Variants in PTPRD observed in about 807,000 individuals in gnomAD.
PTPRD encodes the protein protein tyrosine phosphatase receptor type D, also known as receptor-type tyrosine-protein phosphatase delta.
PTPRD carries 34 observed loss-of-function variants against 214.5 expected under a neutral mutation model. The observed-to-expected ratio is 0.16, with a 90% CI of 0.12 to 0.21. The LOEUF (loss-of-function observed/expected upper bound fraction) is 0.21, where lower values mean the gene tolerates loss of function less well. PTPRD is among the 10% of genes least tolerant of loss of function. PTPRD has a pLI of 1.00. For missense variants in PTPRD, 2,545 were observed against 2,398.7 expected (o/e 1.06, Z -1.27); for synonymous variants, 1,128 against 845.7 (o/e 1.33, Z -5.79).
intron 39 of PTPRD, among the ~76,000 whole-genome samples, chr9:8,353,101 C>T (rs369226057): frequency 2.6e-5 from 4 of 152,120 alleles, no homozygotes; most frequent in African/African-American, 9.7e-5. Context: ...CAGAACAAGA[C>T]TCCGTCTCAA....
intron 8 of PTPRD, among the ~76,000 whole-genome samples, chr9:9,475,167 T>C (rs2094933325): frequency 6.6e-6 from 1 of 152,190 alleles, no homozygotes; most frequent in Non-Finnish European, 1.5e-5. Flanking sequence ...ACTACTTATG[T>C]TTACTATTTT....
At chr9:9,466,025 G>C (rs567066778) in intron 8 of PTPRD, among the ~76,000 whole-genome samples, 1 of 152,036 alleles carries the variant, frequency 6.6e-6, no homozygotes, top group Non-Finnish European at 1.5e-5. Flanking sequence ...ATAAAATCTA[G>C]TAGCCAGGTG....
intron 8 of PTPRD, among the ~76,000 whole-genome samples, chr9:9,525,492 G>T (rs1284759470): frequency 1.3e-5 from 2 of 152,014 alleles, no homozygotes; most frequent in East Asian, 1.9e-4. Context: ...AAATTAAATG[G>T]AATGCCCCAT....
Position 10,568,794 on chromosome 9 carries a change from C to T in PTPRD, c.-600+43604G>A, listed in dbSNP as rs180872978. On this transcript the variant is annotated intron_variant, in intron 2 of 45. Coordinates refer to ENST00000381196, the MANE Select transcript of PTPRD (RefSeq NM_002839.4). The stretch of plus-strand genomic sequence containing the variant: ...ATTCAAGACGGATTAAAGACTTAAA[C>T]GTTAGACCTAAAACCATAAAATCCC... 4.3e-3 allele frequency among the ~76,000 whole-genome samples: 653 copies of T among 152,192 alleles called. 5 individuals carry two copies. Among genetic ancestry groups the T allele is most frequent in the African/African-American group, 0.015 (613 of 41,534 alleles).
At chr9:9,018,943 A>C (rs2099548037) in intron 10 of PTPRD, among the ~76,000 whole-genome samples, 1 of 152,182 alleles carries the variant, frequency 6.6e-6, no homozygotes, top group Admixed American at 6.6e-5. Flanking sequence ...AGCAACAAGA[A>C]GCAAAACATG....
chr9:9,301,733 G>C (rs899410364), intron 9 of PTPRD, among the ~76,000 whole-genome samples: 1 of 151,852 alleles, frequency 6.6e-6, no homozygotes, highest in Non-Finnish European at 1.5e-5. Flanking sequence ...AAATTGTATT[G>C]ATTGCACTAA....
At chr9:8,476,706 A>G (rs2096773099) in intron 30 of PTPRD, among the ~76,000 whole-genome samples, 1 of 152,180 alleles carries the variant, frequency 6.6e-6, no homozygotes, top group Non-Finnish European at 1.5e-5. Context: ...GCAGACATAC[A>G]TATAATACCC....
At chr9:9,128,745 T>C (rs1374873191) in intron 10 of PTPRD, among the ~76,000 whole-genome samples, 1 of 152,224 alleles carries the variant, frequency 6.6e-6, no homozygotes, top group Non-Finnish European at 1.5e-5. Flanking sequence ...AGGTTTCGTG[T>C]AAAAGACTAA....
At chr9:9,511,876 T>C (rs903625074) in intron 8 of PTPRD, among the ~76,000 whole-genome samples, 14 of 151,756 alleles carry the variant, frequency 9.2e-5, no homozygotes, top group African/African-American at 3.4e-4. Context: ...CTTTAGGTTT[T>C]CCCCTAAGGA....
intron 2 of PTPRD, among the ~76,000 whole-genome samples, chr9:10,345,330 A>C (rs1380743563): frequency 6.6e-6 from 1 of 152,042 alleles, no homozygotes; most frequent in Non-Finnish European, 1.5e-5. Flanking sequence ...GGTTTGTTAC[A>C]TAGGTATACA....
At position 8,315,844 on chromosome 9, in the gene PTPRD, T is replaced by TA. The variant is rs1821387687; in HGVS notation, c.*2029_*2030insT. ...CTCTTTAAGAGTTCCTTGGGTATTT[T>TA]GAGGATTATTTAAAATCATGTAATA... is the stretch of plus-strand genomic sequence containing the variant. On this transcript the variant is annotated 3_prime_UTR_variant, in exon 46 of 46. Transcript: ENST00000381196. 1 of 224,862 alleles carries TA rather than the reference T, an allele frequency of 4.4e-6. No individual in the cohort carries two copies. The highest frequency in any genetic ancestry group is 8.9e-6 in the Non-Finnish European group (1 of 112,672). The allele number at this position is 224,862 out of a possible 1,614,324, so 13.9% of individuals were successfully genotyped here.
intron 9 of PTPRD, among the ~76,000 whole-genome samples, chr9:9,361,545 A>C (rs904149665): frequency 6.6e-6 from 1 of 150,978 alleles, no homozygotes; most frequent in Non-Finnish European, 1.5e-5. Context: ...TTGATACATA[A>C]CAGAGGTACA....
At chr9:9,417,876 ATTTCATTTCATAC>A (rs2077448806) in intron 8 of PTPRD, among the ~76,000 whole-genome samples, 1 of 152,060 alleles carries the variant, frequency 6.6e-6, no homozygotes, top group Non-Finnish European at 1.5e-5. Flanking sequence ...ATGTGAAATC[ATTTCATTTCATAC>A]TGGAAAAGGC....
chr9:8,514,158 A>G (rs1050630143), intron 21 of PTPRD, among the ~76,000 whole-genome samples: 8 of 152,036 alleles, frequency 5.3e-5, no homozygotes, highest in Non-Finnish European at 1.0e-4. Context: ...TATTCTGTCC[A>G]CTGGTCATAT....
intron 3 of PTPRD, among the ~76,000 whole-genome samples, chr9:10,090,959 CATGCAT>C (rs545727971): frequency 2.7e-3 from 345 of 130,148 alleles, no homozygotes; most frequent in Middle Eastern, 0.012. Context: ...CACACACACA[CATGCAT>C]GTGGTAGAGT....
In PTPRD at chr9:10,456,584, T is replaced by C. The variant is rs2098919263; in HGVS notation, c.-599-115567A>G. On this transcript the variant is annotated intron_variant, in intron 2 of 45. Coordinates refer to ENST00000381196, the MANE Select transcript of PTPRD (RefSeq NM_002839.4). Reference sequence around the variant, plus strand: ...GATCAGTCGTCAAATAGATAGCACCTTTCTCTGGAAAAAGAACACAAATTC... The same window carrying C: ...GATCAGTCGTCAAATAGATAGCACCCTTCTCTGGAAAAAGAACACAAATTC... Among the ~76,000 whole-genome samples, 3 of 151,868 alleles carry C rather than the reference T, an allele frequency of 2.0e-5. No individual in the cohort carries two copies. The South Asian group carries it at 6.2e-4, about 31-fold the overall frequency.
At chr9:10,197,739 G>T (rs937243597) in intron 3 of PTPRD, among the ~76,000 whole-genome samples, 15 of 152,176 alleles carry the variant, frequency 9.9e-5, no homozygotes, top group African/African-American at 3.4e-4. Flanking sequence ...GCTGAGATAT[G>T]CAGTTTATAG....
At chr9:9,379,489 C>G (rs148800945) in intron 9 of PTPRD, among the ~76,000 whole-genome samples, 4 of 151,790 alleles carry the variant, frequency 2.6e-5, no homozygotes, top group African/African-American at 9.7e-5. Flanking sequence ...CAACTTTGTT[C>G]TTCTCCTTCA....
intron 6 of PTPRD, among the ~76,000 whole-genome samples, chr9:9,735,754 A>G (rs998334535): frequency 6.6e-6 from 1 of 152,126 alleles, no homozygotes; most frequent in Non-Finnish European, 1.5e-5. Flanking sequence ...TGTAAAACGG[A>G]TGATCTATCT....
Sources: allele counts gnomAD v4.1 joint callset (sites outside exome capture counted in the v4.1 genomes callset), GRCh38; gene constraint gnomAD v4.1.1; transcripts MANE v1.5; gene names NCBI Gene and HGNC (gene_info 2026-07-23, HGNC 2026-07-21).